NARS2: variants seen among roughly 807,000 people sequenced by gnomAD.
NARS2 encodes asparaginyl-tRNA synthetase.
In NARS2, 60 loss-of-function variants were observed where a neutral mutation model predicts 62.9. The ratio of observed to expected loss-of-function variants is 0.95; its 90% CI spans 0.77 to 1.18. NARS2 has a LOEUF of 1.18. Ranked by LOEUF, NARS2 falls within the 50% of genes most tolerant of loss-of-function variation. The probability of loss-of-function intolerance (pLI) is 0.00; values close to 1 mark genes in which losing one functional copy is unlikely to be tolerated. For synonymous variants in NARS2, 196 were observed against 200.0 expected (o/e 0.98, Z 0.17); for missense variants, 619 against 576.4 (o/e 1.07, Z -0.76).
chr11:78,536,874 G>A lies in NARS2; in HGVS notation c.595-7938C>T, dbSNP rs191580184. On this transcript the variant is annotated intron_variant, in intron 5 of 13. Coordinates refer to ENST00000281038, the MANE Select transcript of NARS2 (RefSeq NM_024678.6). ...GTCTTGCAATGTCCATTCATGGTAA[G>A]TGCCCTATACAGGTGTACCATTAAA... Among the ~76,000 whole-genome samples, 143 of 152,214 alleles carry A rather than the reference G, an allele frequency of 9.4e-4. 1 individual carries two copies. Among genetic ancestry groups the A allele is most frequent in the African/African-American group, 3.3e-3 (136 of 41,526 alleles).
chr11:78,570,064 C>A (rs1856868187), intron 2 of NARS2, among the ~76,000 whole-genome samples: 1 of 152,080 alleles, frequency 6.6e-6, no homozygotes, highest in African/African-American at 2.4e-5. Flanking sequence ...GTGTCGCACA[C>A]CTGTAATCCC....
intron 7 of NARS2, among the ~76,000 whole-genome samples, chr11:78,479,684 T>C (rs1435948485): frequency 6.6e-6 from 1 of 152,236 alleles, no homozygotes; most frequent in East Asian, 1.9e-4. Flanking sequence ...TTCTAAATGG[T>C]GTATTCATAA....
intron 6 of NARS2, among the ~76,000 whole-genome samples, chr11:78,524,931 T>C (rs1167135686): frequency 1.3e-5 from 2 of 152,140 alleles, no homozygotes; most frequent in African/African-American, 4.8e-5. Flanking sequence ...TAAATTGTGT[T>C]ACCTCCAGGC....
At chr11:78,528,816 G>A (rs771906160) in intron 6 of NARS2, 26 bp downstream of exon 6, 1 of 1,497,788 alleles carries the variant, frequency 6.7e-7, no homozygotes, top group Admixed American at 1.7e-5. Context: ...ATATATCAAA[G>A]CAAAAGAGAA....
intron 5 of NARS2, among the ~76,000 whole-genome samples, chr11:78,536,976 A>G (rs532005543): frequency 5.3e-5 from 8 of 152,304 alleles, no homozygotes; most frequent in African/African-American, 1.9e-4. Flanking sequence ...AATACTTGCC[A>G]TTTTATTACA....
intron 11 of NARS2, among the ~76,000 whole-genome samples, chr11:78,447,529 T>G (rs559201192): frequency 6.6e-6 from 1 of 152,230 alleles, no homozygotes; most frequent in African/African-American, 2.4e-5. Flanking sequence ...ATCAGTATAT[T>G]GGTGGTGATA....
At chr11:78,514,034 C>G (rs1367385632) in intron 6 of NARS2, among the ~76,000 whole-genome samples, 4 of 152,156 alleles carry the variant, frequency 2.6e-5, no homozygotes, top group Non-Finnish European at 4.4e-5. Flanking sequence ...CCTGAAGCCT[C>G]ACGAGAAGCA....
intron 6 of NARS2, among the ~76,000 whole-genome samples, chr11:78,494,750 T>C (rs1191387585): frequency 6.6e-6 from 1 of 152,180 alleles, no homozygotes; most frequent in Non-Finnish European, 1.5e-5. Flanking sequence ...CCTACTAGAA[T>C]GTTTTGAAAA....
At chr11:78,529,378 C>T (rs959945620) in intron 5 of NARS2, among the ~76,000 whole-genome samples, 7 of 152,106 alleles carry the variant, frequency 4.6e-5, no homozygotes, top group East Asian at 1.9e-4. Context: ...AATAGTAATG[C>T]TTTTAACACA....
intron 5 of NARS2, among the ~76,000 whole-genome samples, chr11:78,539,142 TGTGGCATGATGAG>T (rs1299360064): frequency 4.0e-5 from 6 of 151,812 alleles, no homozygotes; most frequent in Non-Finnish European, 8.8e-5. Context: ...AGCATGGGGT[TGTGGCATGATGAG>T]TTAAAAAATT....
intron 7 of NARS2, among the ~76,000 whole-genome samples, chr11:78,482,343 A>G (rs1410625943): frequency 6.6e-6 from 1 of 152,150 alleles, no homozygotes; most frequent in East Asian, 1.9e-4. Flanking sequence ...AGAACTAGAG[A>G]AGCAAGAGCA....
At chr11:78,568,576 G>C (rs1046026956) in intron 3 of NARS2, 56 bp downstream of exon 3, 123 of 1,563,080 alleles carry the variant, frequency 7.9e-5, no homozygotes, top group Non-Finnish European at 1.0e-4. Context: ...ACTTAAAACA[G>C]ATTGCTGTCT....
In NARS2 at chr11:78,461,602, T is replaced by TAA. The variant is rs59664343; in HGVS notation, c.1164+4272_1164+4273dup. ...GAATGAGTGGGAGATGCTGTGCTGG[T>TAA]AAAAAAAAAAAAAAAAAAAAAAAAA... On this transcript the variant is annotated intron_variant, in intron 11 of 13. Coordinates refer to ENST00000281038, the MANE Select transcript of NARS2 (RefSeq NM_024678.6). 4.2e-3 allele frequency among the ~76,000 whole-genome samples: 270 copies of TAA among 64,062 alleles called. 3 individuals carry two copies. The highest frequency in any genetic ancestry group is 8.6e-3 in the African/African-American group (141 of 16,412). The allele number at this position is 64,062 out of a possible 152,430, so 42.0% of individuals were successfully genotyped here.
intron 3 of NARS2, 77 bp from the exon 4 acceptor site, chr11:78,566,349 T>C (rs1856744022): frequency 1.1e-5 from 13 of 1,235,318 alleles, no homozygotes; most frequent in Non-Finnish European, 1.4e-5. Context: ...GGGTATTTCT[T>C]AAATAGCGCT....
intron 6 of NARS2, among the ~76,000 whole-genome samples, chr11:78,513,799 T>C (rs1860805014): frequency 6.6e-6 from 1 of 152,130 alleles, no homozygotes; most frequent in African/African-American, 2.4e-5. Context: ...TCTGCCCCAA[T>C]CTCATGTTGA....
Position 78,478,642 on chromosome 11 carries a change from G to C in NARS2, c.864C>G (p.Leu288=). 6.2e-7 allele frequency: 1 copy of C among 1,612,180 alleles called. No homozygotes were observed. The highest frequency in any genetic ancestry group is 1.3e-5 in the African/African-American group (1 of 74,968). ...ELFKATTMMV[L]SKCPEDVELC... is the part of the protein sequence containing the mutation. ...GTTCAACATCTTCAGGACATTTTGA[G>C]AGAACCATCATTGTTGTAGCCTTGA... The change falls in exon 8 of 14, where the codon CTC becomes CTG. Residue 288 remains leucine, a synonymous_variant. Coordinates refer to ENST00000281038, the MANE Select transcript of NARS2 (RefSeq NM_024678.6).
intron 7 of NARS2, among the ~76,000 whole-genome samples, chr11:78,481,957 A>C (rs1190216295): frequency 1.3e-5 from 2 of 152,144 alleles, no homozygotes; most frequent in East Asian, 3.9e-4. Context: ...GGAGTACCAA[A>C]TAAATAAGAA....
intron 5 of NARS2, among the ~76,000 whole-genome samples, chr11:78,546,115 C>T (rs745696779): frequency 1.2e-4 from 19 of 152,110 alleles, no homozygotes; most frequent in Non-Finnish European, 2.6e-4. Context: ...AAATGGCTGC[C>T]GGCACTGGAG....
intron 11 of NARS2, among the ~76,000 whole-genome samples, chr11:78,444,898 G>A (rs1030186383): frequency 9.9e-5 from 15 of 151,962 alleles, no homozygotes; most frequent in African/African-American, 3.1e-4. Flanking sequence ...ATAACCAAAC[G>A]CCTGAAAAAT....
Sources: allele counts gnomAD v4.1 joint callset (sites outside exome capture counted in the v4.1 genomes callset), GRCh38; gene constraint gnomAD v4.1.1; transcripts MANE v1.5; gene names NCBI Gene and HGNC (gene_info 2026-07-23, HGNC 2026-07-21).